POU6F2: variants seen among roughly 807,000 people sequenced by gnomAD.
POU6F2 encodes POU class 6 homeobox 2.
A neutral mutation model predicts 71.3 loss-of-function variants in POU6F2; 31 were observed. The ratio of observed to expected loss-of-function variants is 0.43; its 90% CI spans 0.33 to 0.59. The LOEUF (loss-of-function observed/expected upper bound fraction) is 0.59, where lower values mean the gene tolerates loss of function less well. Ranked by LOEUF, POU6F2 falls within the 20% of genes least tolerant of loss-of-function variation. The pLI, the probability that POU6F2 is intolerant of heterozygous loss-of-function variation, is 0.04. For synonymous variants in POU6F2, 347 were observed against 355.7 expected, an observed-to-expected ratio of 0.98 and a Z score of 0.27; for missense variants, 783 against 856.8, an observed-to-expected ratio of 0.91 and a Z score of 1.07.
In POU6F2 at chr7:39,464,352, G is replaced by T; in HGVS notation, c.1829G>T (p.Trp610Leu). ...AAGATCAAGCCGGTGCTTGAGCGGT[G>T]GATGGCTGAGGCTGAGGCCCGCCAT... The part of the protein sequence containing the change: ...AQKIKPVLER[W>L]MAEAEARHRA... The change falls in exon 10 of 10, where the codon TGG becomes TTG. Residue 610 changes from tryptophan to leucine, a missense_variant. By Grantham distance (61) the Trp-to-Leu change is moderately conservative. Around this residue, in one of 2 missense-constraint regions of POU6F2, gnomAD observed 211 missense variants for 283.9 expected, o/e 0.74. Coordinates refer to ENST00000518318, the MANE Select transcript of POU6F2 (RefSeq NM_001370959.1). The surrounding 1 kb of genome is among the most constrained non-coding windows in gnomAD (Gnocchi z 4.1). The T allele has an allele frequency of 6.2e-7, 1 of 1,614,020 alleles. No individual in the cohort carries two copies. The highest frequency in any genetic ancestry group is 2.2e-5 in the East Asian group (1 of 44,884).
intron 4 of POU6F2, among the ~76,000 whole-genome samples, chr7:39,334,076 C>T (rs1309208373): frequency 6.6e-6 from 1 of 152,062 alleles, no homozygotes; most frequent in African/African-American, 2.4e-5. Flanking sequence ...GGGATGTTTT[C>T]ATTAGAAGAA....
chr7:39,231,839 C>G (rs1794582300), intron 4 of POU6F2, among the ~76,000 whole-genome samples: 1 of 152,134 alleles, frequency 6.6e-6, no homozygotes, highest in Non-Finnish European at 1.5e-5. Flanking sequence ...TTGTATTTAT[C>G]TACTAAAAGT....
At chr7:39,385,267 G>T (rs182968328) in intron 5 of POU6F2, among the ~76,000 whole-genome samples, 2 of 152,338 alleles carry the variant, frequency 1.3e-5, no homozygotes, top group East Asian at 3.9e-4. Flanking sequence ...GAGTATCTGT[G>T]TGTCACGAAT....
intron 1 of POU6F2, among the ~76,000 whole-genome samples, chr7:39,081,434 A>G (rs1185914666): frequency 6.6e-6 from 1 of 152,236 alleles, no homozygotes; most frequent in East Asian, 1.9e-4. Flanking sequence ...AGTTTTCCAC[A>G]TGGGTATGAC....
chr7:39,103,043 A>T (rs993582476), intron 2 of POU6F2, among the ~76,000 whole-genome samples: 1 of 152,192 alleles, frequency 6.6e-6, no homozygotes, highest in Non-Finnish European at 1.5e-5. Flanking sequence ...TAACAAAACA[A>T]AGATAAAGTG....
intron 2 of POU6F2, among the ~76,000 whole-genome samples, chr7:39,135,532 T>A (rs1584561139): frequency 6.6e-6 from 1 of 152,134 alleles, no homozygotes; most frequent in Non-Finnish European, 1.5e-5. Flanking sequence ...AATGCATTAA[T>A]ACATCAAGTC....
chr7:39,451,823 G>A (rs1788669801), intron 8 of POU6F2, 122 bp downstream of exon 8: 1 of 1,261,588 alleles, frequency 7.9e-7, no homozygotes, highest in African/African-American at 1.5e-5. Context: ...CCCTGCACAG[G>A]AATTTCCTGG....
At chr7:39,324,843 G>A (rs1392493238) in intron 4 of POU6F2, among the ~76,000 whole-genome samples, 7 of 152,174 alleles carry the variant, frequency 4.6e-5, no homozygotes, top group African/African-American at 1.7e-4. Context: ...TCGCAGCAGA[G>A]TGTAGAATTA....
At chr7:39,175,190 T>C (rs1793303861) in intron 2 of POU6F2, among the ~76,000 whole-genome samples, 1 of 152,184 alleles carries the variant, frequency 6.6e-6, no homozygotes, top group African/African-American at 2.4e-5. Flanking sequence ...CCTTTGGCTT[T>C]AATGATATTA....
intron 6 of POU6F2, among the ~76,000 whole-genome samples, chr7:39,413,737 T>A (rs1008105428): frequency 1.3e-5 from 2 of 152,222 alleles, no homozygotes; most frequent in African/African-American, 4.8e-5. Flanking sequence ...AATATATATG[T>A]TCATGGGATT....
At chr7:39,417,754 G>GAA (rs886224633) in intron 6 of POU6F2, among the ~76,000 whole-genome samples, 6 of 152,232 alleles carry the variant, frequency 3.9e-5, no homozygotes, top group Admixed American at 2.6e-4. Context: ...TCACATGAAA[G>GAA]GTGGCCCAGG....
intron 3 of POU6F2, 84 bp downstream of exon 3, chr7:39,204,410 A>C: frequency 8.6e-7 from 1 of 1,168,902 alleles, no homozygotes; most frequent in Non-Finnish European, 1.2e-6. Flanking sequence ...ATAATGAGTT[A>C]AATCCAATTG....
At chr7:39,286,119 A>G (rs1323731482) in intron 4 of POU6F2, among the ~76,000 whole-genome samples, 1 of 152,216 alleles carries the variant, frequency 6.6e-6, no homozygotes, top group Non-Finnish European at 1.5e-5. Context: ...AGAGCAAGTG[A>G]GAGAGTTAAC....
At chr7:39,419,017 A>ATATATGTGTATATATGTGTATATATGTG (rs1787765507) in intron 6 of POU6F2, among the ~76,000 whole-genome samples, 1 of 131,092 alleles carries the variant, frequency 7.6e-6, no homozygotes, top group South Asian at 2.3e-4. Flanking sequence ...GTATATATGT[A>ATATATGTGTATATATGTGTATATATGTG]TATATATGTG....
chr7:39,439,520 G>A (rs1003589475), intron 7 of POU6F2, among the ~76,000 whole-genome samples: 8 of 152,070 alleles, frequency 5.3e-5, no homozygotes, highest in South Asian at 2.1e-4. Context: ...ACAGATTTTC[G>A]CTCTTGTCAC....
intron 1 of POU6F2, among the ~76,000 whole-genome samples, chr7:39,025,683 G>C (rs575373822): frequency 6.6e-6 from 1 of 151,256 alleles, no homozygotes; most frequent in South Asian, 2.2e-4. Context: ...CAGGACATAG[G>C]CATGGGCAAG....
chr7:39,255,257 T>C (rs1209056051), intron 4 of POU6F2, among the ~76,000 whole-genome samples: 2 of 152,220 alleles, frequency 1.3e-5, no homozygotes, highest in African/African-American at 4.8e-5. Flanking sequence ...ATTATTTTAA[T>C]TGGAAATAAT....
At chr7:39,105,742 G>A (rs903550196) in intron 2 of POU6F2, among the ~76,000 whole-genome samples, 3 of 152,140 alleles carry the variant, frequency 2.0e-5, no homozygotes, top group Non-Finnish European at 4.4e-5. Context: ...GTGGCCAGAC[G>A]AAGAAGTTTT....
intron 9 of POU6F2, among the ~76,000 whole-genome samples, chr7:39,463,317 A>C (rs1562562297): frequency 6.6e-6 from 1 of 152,228 alleles, no homozygotes; most frequent in Non-Finnish European, 1.5e-5. Context: ...TATATAGAAG[A>C]CCTCATTTAC....
Sources: gnomAD v4.1 joint callset for allele counts (sites outside exome capture counted in the v4.1 genomes callset) on GRCh38, gnomAD v4.1.1 for gene constraint, gnomAD v4.1.1 regional missense constraint, Gnocchi (gnomAD v3.1) non-coding constraint, MANE v1.5 for transcripts, NCBI Gene and HGNC (gene_info 2026-07-23, HGNC 2026-07-21) for gene names.